The following ATM variants were observed in gnomAD, a reference collection of about 807,000 sequenced individuals.
The protein encoded by ATM is serine-protein kinase ATM.
ATM carries 308 observed loss-of-function variants against 387.0 expected under a neutral mutation model. The observed-to-expected ratio is 0.80, with a 90% confidence interval of 0.73 to 0.87. ATM has a LOEUF of 0.87. ATM is among the 40% of genes least tolerant of loss of function. The pLI is 0.00. For synonymous variants in ATM, 1,156 were observed against 1,187.3 expected, an observed-to-expected ratio of 0.97 and a Z score of 0.54; for missense variants, 3,312 against 3,560.9, an observed-to-expected ratio of 0.93 and a Z score of 1.78.
At chr11:108,264,282 C>T (rs1001840074) in intron 16 of ATM, among the ~76,000 whole-genome samples, 2 of 152,054 alleles carry the variant, frequency 1.3e-5, no homozygotes, top group Non-Finnish European at 2.9e-5. Context: ...GCCTATCCAC[C>T]ATGATCAAGT....
intron 37 of ATM, among the ~76,000 whole-genome samples, chr11:108,306,267 T>C (rs1565483899): frequency 6.6e-6 from 1 of 152,164 alleles, no homozygotes; most frequent in East Asian, 1.9e-4. Context: ...TAGGCTGTTC[T>C]CTAAATGATC....
rs1426095621 is a variant in ATM at position 108,304,770 on chromosome 11, A to T, written c.5592A>T (p.Thr1864=). 6.2e-7 allele frequency: 1 copy of T among 1,614,072 alleles called. No individual in the cohort carries two copies. Among genetic ancestry groups the T allele is most frequent in the Non-Finnish European group, 8.5e-7 (1 of 1,179,992 alleles). The change falls in exon 37 of 63, where the codon ACA becomes ACT. Residue 1864 remains threonine, a synonymous_variant. Coordinates refer to ENST00000675843, the MANE Select transcript of ATM (RefSeq NM_000051.4). ...TNESWRNLLS[T]HVQGFFTSCL... Reference sequence around the variant, plus strand: ...AATCATGGAGAAATCTGCTTTCTACACATGTTCAGGGATTTTTCACCAGCT... The same window carrying T: ...AATCATGGAGAAATCTGCTTTCTACTCATGTTCAGGGATTTTTCACCAGCT...
rs932081789 is a variant in ATM, at chr11:108,326,044, C to A, written c.6808-14C>A. On this transcript the variant is annotated splice_polypyrimidine_tract_variant and intron_variant, in intron 46 of 62. Transcript: ENST00000675843. ...AGTAAAAGTATTTATTCCCATATGT[C>A]ATTTTCATTTCAGCTCCCTGAAAGG... The A allele has an allele frequency of 6.2e-7, 1 of 1,613,134 alleles. No homozygotes were observed. The highest frequency in any genetic ancestry group is 1.7e-5 in the Admixed American group (1 of 60,018).
chr11:108,236,039 T>C, intron 5 of ATM: 2 of 588,766 alleles, frequency 3.4e-6, no homozygotes, highest in Non-Finnish European at 6.0e-6. Flanking sequence ...ATATATCAGG[T>C]GCCTGATATC....
intron 31 of ATM, among the ~76,000 whole-genome samples, chr11:108,294,233 C>T (rs1190502924): frequency 6.6e-6 from 1 of 151,810 alleles, no homozygotes; most frequent in Non-Finnish European, 1.5e-5. Context: ...CTTTATAAAC[C>T]TCGAAATTAT....
At chr11:108,348,096 A>G (rs1438772988) in intron 59 of ATM, among the ~76,000 whole-genome samples, 2 of 152,296 alleles carry the variant, frequency 1.3e-5, no homozygotes, top group East Asian at 3.9e-4. Context: ...TAAGGAATAT[A>G]TCAAGTTTTG....
chr11:108,257,498 A>T lies in ATM; in HGVS notation c.2268A>T (p.Ala756=), dbSNP rs1057522845. The T allele has an allele frequency of 6.2e-7, 1 of 1,613,508 alleles. No homozygotes were observed. Among genetic ancestry groups the T allele is most frequent in the Non-Finnish European group, 8.5e-7 (1 of 1,179,824 alleles). The change falls in exon 15 of 63, where the codon GCA becomes GCT. Residue 756 remains alanine, a synonymous_variant. Coordinates refer to ENST00000675843, the MANE Select transcript of ATM (RefSeq NM_000051.4). ...FQKAKSLMQC[A]GESITLFKNK... is the part of the protein sequence containing the mutation. Reference sequence around the variant, plus strand: ...CACAATAGTCTCTAATGCAATGTGCAGGAGAAAGTATCACTCTGTTTAAAA... The same window carrying T: ...CACAATAGTCTCTAATGCAATGTGCTGGAGAAAGTATCACTCTGTTTAAAA...
intron 4 of ATM, among the ~76,000 whole-genome samples, chr11:108,232,178 A>G (rs1565351414): frequency 6.6e-6 from 1 of 152,232 alleles, no homozygotes; most frequent in Admixed American, 6.5e-5. Context: ...TTTATAAGAA[A>G]TAGTTGGTGA....
In ATM at chr11:108,255,129, C is replaced by A. The variant is rs145991963; in HGVS notation, c.2125-1086C>A. 2.0e-5 allele frequency among the ~76,000 whole-genome samples: 3 copies of A among 152,178 alleles called. No individual in the cohort carries two copies. In the East Asian group the frequency reaches 5.8e-4, roughly 29 times the overall value. On this transcript the variant is annotated intron_variant, in intron 13 of 62. Coordinates refer to ENST00000675843, the MANE Select transcript of ATM (RefSeq NM_000051.4). Reference sequence around the variant, plus strand: ...ATGTTTTTATTTATCTTTATATCCTCCACAGTGCCTTATTACATGGTAAAT... The same window carrying A: ...ATGTTTTTATTTATCTTTATATCCTACACAGTGCCTTATTACATGGTAAAT...
At chr11:108,280,062 A>G (rs2082151923) in intron 23 of ATM, among the ~76,000 whole-genome samples, 1 of 152,170 alleles carries the variant, frequency 6.6e-6, no homozygotes, top group Non-Finnish European at 1.5e-5. Context: ...TGATTATCTT[A>G]GAGTTCAAAT....
chr11:108,360,491 C>A (rs1444885003), intron 61 of ATM, among the ~76,000 whole-genome samples: 2 of 122,096 alleles, frequency 1.6e-5, no homozygotes, highest in Non-Finnish European at 3.4e-5. Flanking sequence ...GAGACACAAC[C>A]AAAAAAGAGA....
chr11:108,298,759 A>G (rs1031593972), intron 33 of ATM, among the ~76,000 whole-genome samples: 1 of 152,250 alleles, frequency 6.6e-6, no homozygotes, highest in African/African-American at 2.4e-5. Context: ...ATCTGTATTT[A>G]CAGACGACAT....
At chr11:108,310,807 C>A (rs1386874711) in intron 39 of ATM, among the ~76,000 whole-genome samples, 1 of 152,036 alleles carries the variant, frequency 6.6e-6, no homozygotes, top group African/African-American at 2.4e-5. Context: ...TCTTTATCTA[C>A]CTATATTTCT....
chr11:108,335,779 A>T (rs764389199), intron 55 of ATM, 66 bp from the exon 56 acceptor site: 10 of 1,322,616 alleles, frequency 7.6e-6, no homozygotes, highest in Non-Finnish European at 1.1e-5. Flanking sequence ...TGCTATTCTC[A>T]GATGACTCTG....
At chr11:108,345,971 T>C in intron 58 of ATM, 63 bp downstream of exon 58, 1 of 1,589,194 alleles carries the variant, frequency 6.3e-7, no homozygotes, top group Admixed American at 1.7e-5. Context: ...TATTTTTGTT[T>C]GATTCAGCAC....
At position 108,343,285 on chromosome 11, in the gene ATM, G is replaced by T. The variant is rs2136946265; in HGVS notation, c.8332G>T (p.Glu2778Ter). The T allele has an allele frequency of 6.2e-7, 1 of 1,614,006 alleles. No homozygotes were observed. The highest frequency in any genetic ancestry group is 8.5e-7 in the Non-Finnish European group (1 of 1,179,936). ...GTGCACAGGAACTGTCCCCATTGGTGAATTTCTTGTTAACAATGAAGATGG... is the reference window on the plus strand; with the variant it reads ...GTGCACAGGAACTGTCCCCATTGGTTAATTTCTTGTTAACAATGAAGATGG... The part of the protein sequence containing the change: ...EWCTGTVPIG[E>*]FLVNNEDGAH... The change falls in exon 57 of 63, where the codon GAA (glutamate) becomes TAA (stop). Residue 2778 changes from glutamate (E) to a stop codon, truncating the protein, a stop_gained. Transcript: ENST00000675843. LOFTEE classifies it high-confidence loss of function.
At chr11:108,353,735 C>A (rs779882823) in intron 59 of ATM, 31 bp from the exon 60 acceptor site, 9 of 1,529,736 alleles carry the variant, frequency 5.9e-6, no homozygotes, top group Non-Finnish European at 8.2e-6. Context: ...AGCTGTCAAA[C>A]CTCCTAACTT....
chr11:108,347,393 C>A (rs2088576190), intron 59 of ATM, 28 bp downstream of exon 59: 2 of 1,502,748 alleles, frequency 1.3e-6, no homozygotes, highest in Non-Finnish European at 1.9e-6. Flanking sequence ...TGTATCTATT[C>A]TTTTTAGTAA....
chr11:108,331,676 T>C, intron 51 of ATM, 119 bp downstream of exon 51: 1 of 1,376,140 alleles, frequency 7.3e-7, no homozygotes, highest in Non-Finnish European at 9.7e-7. Context: ...TTGTATTTTT[T>C]GTCTTCTCAC....
Sources: allele counts gnomAD v4.1 joint callset (sites outside exome capture counted in the v4.1 genomes callset), GRCh38; gene constraint gnomAD v4.1.1; transcripts MANE v1.5; gene names NCBI Gene and HGNC (gene_info 2026-07-23, HGNC 2026-07-21).